GRAMD1A: variants seen among roughly 807,000 people sequenced by gnomAD.
GRAMD1A encodes protein Aster-A.
GRAMD1A carries 50 observed loss-of-function variants against 92.0 expected under a neutral mutation model. The ratio of observed to expected loss-of-function variants is 0.54; its 90% confidence interval spans 0.43 to 0.69. The LOEUF is 0.69. Among genes scored for constraint, GRAMD1A ranks in the 30% least tolerant of loss-of-function variants. The pLI is 0.00. For missense variants in GRAMD1A, 819 were observed against 978.9 expected (o/e 0.84, Z 2.18); for synonymous variants, 405 against 403.6 (o/e 1.00, Z -0.04).
chr19:35,023,063 C>A, intron 17 of GRAMD1A, 152 bp downstream of exon 17: 1 of 833,502 alleles, frequency 1.2e-6, no homozygotes, highest in South Asian at 1.5e-5. Flanking sequence ...TGGGTTTGAA[C>A]ACTGACTTCC....
chr19:35,003,861 C>G (rs1286470905), intron 1 of GRAMD1A, among the ~76,000 whole-genome samples: 1 of 152,246 alleles, frequency 6.6e-6, no homozygotes, highest in African/African-American at 2.4e-5. Flanking sequence ...CTTCTCCCAG[C>G]CTTTGCCACA....
At chr19:35,020,836 C>G (rs1433209054) in intron 13 of GRAMD1A, among the ~76,000 whole-genome samples, 1 of 152,022 alleles carries the variant, frequency 6.6e-6, no homozygotes, top group Non-Finnish European at 1.5e-5. Flanking sequence ...ACTGCAAAGA[C>G]AGGTACAGGA....
chr19:35,016,822 T>C (rs898797976), intron 11 of GRAMD1A, among the ~76,000 whole-genome samples: 6 of 150,800 alleles, frequency 4.0e-5, no homozygotes, highest in African/African-American at 1.2e-4. Flanking sequence ...GGAGAATCAC[T>C]TGAACTCGGG....
At chr19:35,024,306 C>A (rs1006213271) in intron 19 of GRAMD1A, among the ~76,000 whole-genome samples, 2 of 152,210 alleles carry the variant, frequency 1.3e-5, no homozygotes, top group Non-Finnish European at 2.9e-5. Context: ...TGTGGGCTGG[C>A]TGTCCTGAGT....
intron 1 of GRAMD1A, among the ~76,000 whole-genome samples, chr19:35,003,193 A>G (rs956404728): frequency 6.6e-6 from 1 of 151,360 alleles, no homozygotes; most frequent in African/African-American, 2.4e-5. Context: ...TGAGAGAGAG[A>G]GAGAGGAAAG....
chr19:35,021,452 C>T lies in GRAMD1A; in HGVS notation c.1476-50C>T. On this transcript the variant is annotated intron_variant, in intron 13 of 19. Coordinates refer to ENST00000317991, the MANE Select transcript of GRAMD1A (RefSeq NM_020895.5). The surrounding 1 kb of genome is among the most constrained non-coding windows in gnomAD (Gnocchi z 5.3). ...AACTCAGCTTGTGGGACGGGGCAGC[C>T]AGGGCTGGAGTCAGACCCTTACCTC... The T allele has an allele frequency of 1.5e-6, 2 of 1,367,770 alleles. No homozygotes were observed. Among genetic ancestry groups the T allele is most frequent in the Non-Finnish European group, 2.1e-6 (2 of 955,936 alleles). The allele number at this position is 1,367,770 out of a possible 1,614,324, so 84.7% of individuals were successfully genotyped here.
chr19:35,017,509 CTT>C (rs757989974), intron 11 of GRAMD1A, among the ~76,000 whole-genome samples: 6 of 152,096 alleles, frequency 3.9e-5, no homozygotes, highest in Non-Finnish European at 7.3e-5. Context: ...GCTTGAATCT[CTT>C]TTGTAGCCTC....
At chr19:35,020,261 A>G (rs2015953488) in intron 13 of GRAMD1A, among the ~76,000 whole-genome samples, 1 of 152,142 alleles carries the variant, frequency 6.6e-6, no homozygotes, top group Non-Finnish European at 1.5e-5. Context: ...GCCAGGGTCC[A>G]GGTGCAGTGG....
rs555500749 is a variant in GRAMD1A at position 35,010,533 on chromosome 19, C to T, written c.525+154C>T. On this transcript the variant is annotated intron_variant, in intron 6 of 19. Coordinates refer to ENST00000317991, the MANE Select transcript of GRAMD1A (RefSeq NM_020895.5). Reference sequence around the variant, plus strand: ...CGGCCCAGGCGCCCATCACCCCTGACCTGATCCCCGCACCAGCCTCTCCTC... The same window carrying T: ...CGGCCCAGGCGCCCATCACCCCTGATCTGATCCCCGCACCAGCCTCTCCTC... The T allele has an allele frequency of 9.6e-6, 6 of 625,102 alleles. No individual in the cohort carries two copies. The East Asian group carries it at 1.4e-4, about 14-fold the overall frequency. 38.7% of individuals were successfully genotyped at this position (625,102 alleles called of 1,614,324 possible).
At position 35,013,346 on chromosome 19, in the gene GRAMD1A, C is replaced by A; in HGVS notation, c.697C>A (p.Pro233Thr). The change falls in exon 8 of 20, where the codon CCC becomes ACC. Residue 233 changes from proline to threonine, a missense_variant. Physicochemically the swap from Pro to Thr is conservative, Grantham distance 38. Transcript: ENST00000317991. The surrounding 1 kb of genome is among the most constrained non-coding windows in gnomAD (Gnocchi z 4.9). ...LTSEDEDYVS[P>T]LQLNGLGTPK... ...CAGTGAGGATGAGGACTATGTCTCC[C>A]CCTTGCAGCTGAACGGTCTGGGGTG... The A allele has an allele frequency of 6.4e-7, 1 of 1,554,822 alleles. No homozygotes were observed. Among genetic ancestry groups the A allele is most frequent in the Non-Finnish European group, 8.7e-7 (1 of 1,147,230 alleles).
chr19:35,009,811 G>A (rs2015087014), intron 3 of GRAMD1A, 77 bp from the exon 4 acceptor site: 3 of 866,322 alleles, frequency 3.5e-6, no homozygotes, highest in Admixed American at 1.7e-5. Context: ...AGAGACTGAG[G>A]GGGTTCCAGG....
rs757644754 is a variant in GRAMD1A at position 35,015,897 on chromosome 19, G to A, written c.1143G>A (p.Glu381=). The A allele has an allele frequency of 6.2e-7, 1 of 1,614,110 alleles. No individual in the cohort carries two copies. The change falls in exon 11 of 20, where the codon GAG becomes GAA. Residue 381 remains glutamate, a synonymous_variant. Coordinates refer to ENST00000317991, the MANE Select transcript of GRAMD1A (RefSeq NM_020895.5). The part of the protein sequence containing the change: ...LINSVFHVGA[E]RLQQMLFSDS... ...ACTCTGTCTTCCATGTGGGCGCTGA[G>A]CGGCTCCAGCAGATGCTCTTCTCGG...
intron 16 of GRAMD1A, 103 bp downstream of exon 16, chr19:35,022,141 G>T: frequency 2.6e-6 from 2 of 776,646 alleles, no homozygotes; most frequent in Non-Finnish European, 4.2e-6. Flanking sequence ...TGCTTAAGTG[G>T]GAGCGTGGGT....
Position 35,009,431 on chromosome 19 carries a change from G to T in GRAMD1A, c.228G>T (p.Gln76His). 6.2e-7 allele frequency: 1 copy of T among 1,614,050 alleles called. No individual in the cohort carries two copies. The highest frequency in any genetic ancestry group is 1.1e-5 in the South Asian group (1 of 91,086). Reference sequence around the variant, plus strand: ...TCTCCTTTTCTTTGCAGAAGATGCAGAGCTGGTACAGTGTAAGTGTCTGGG... The same window carrying T: ...TCTCCTTTTCTTTGCAGAAGATGCATAGCTGGTACAGTGTAAGTGTCTGGG... ...RNFIRNSKKM[Q>H]SWYSMLSPTY... The change falls in exon 3 of 20, where the codon CAG becomes CAT. Residue 76 changes from glutamine (Q) to histidine (H), a missense_variant. Gln to His is a conservative substitution (Grantham distance 24). Transcript: ENST00000317991.
chr19:35,021,572 T>G lies in GRAMD1A; in HGVS notation c.1546T>G (p.Trp516Gly), dbSNP rs940309926. 7 of 1,613,946 alleles carry G rather than the reference T, an allele frequency of 4.3e-6. No individual in the cohort carries two copies. In the Admixed American group the frequency reaches 1.2e-4, roughly 27 times the overall value. Residue 516 changes from tryptophan (W) to glycine (G), a missense_variant, in exon 14 of 20, where the codon TGG becomes GGG. By Grantham distance (184) the Trp-to-Gly change is radical (BLOSUM62 -2). This residue lies in a region of GRAMD1A where 577 missense variants were observed against 674.6 expected (regional missense o/e 0.86). Transcript: ENST00000317991. The surrounding 1 kb of genome is among the most constrained non-coding windows in gnomAD (Gnocchi z 5.3). ...LVKSLIEKNS[W>G]SGIEDYFHHL... ...GAAGTCGCTCATTGAGAAGAACTCGTGGAGCGGCATTGAAGACTATTTCCA... is the reference window on the plus strand; with the variant it reads ...GAAGTCGCTCATTGAGAAGAACTCGGGGAGCGGCATTGAAGACTATTTCCA...
In GRAMD1A at chr19:35,000,401, C is replaced by T; in HGVS notation, c.-78C>T. The T allele has an allele frequency of 2.6e-6, 3 of 1,153,658 alleles. No individual in the cohort carries two copies. The highest frequency in any genetic ancestry group is 5.1e-5 in the Admixed American group (1 of 19,592). 71.5% of individuals were successfully genotyped at this position (1,153,658 alleles called of 1,614,324 possible). A position where few individuals can be genotyped will look rare whatever the true frequency, so the allele number is the denominator to read the frequency against. ...CGGTGCCCTGCGGGGACGCCCAGCG[C>T]AGCCCAGCCCCGCGCAGCCCAGCCC... On this transcript the variant is annotated 5_prime_UTR_variant, in exon 1 of 20. Coordinates refer to ENST00000317991, the MANE Select transcript of GRAMD1A (RefSeq NM_020895.5). The surrounding 1 kb of genome is among the most constrained non-coding windows in gnomAD (Gnocchi z 4.9).
chr19:35,023,794 G>A (rs966139745), intron 19 of GRAMD1A: 10 of 423,770 alleles, frequency 2.4e-5, no homozygotes, highest in Admixed American at 4.0e-5. Flanking sequence ...AGGCACGGCC[G>A]GGTTTGGTCA....
chr19:35,002,270 C>A (rs976980457), intron 1 of GRAMD1A, among the ~76,000 whole-genome samples: 24 of 152,088 alleles, frequency 1.6e-4, no homozygotes, highest in African/African-American at 5.8e-4. Flanking sequence ...CACTACCTGG[C>A]CACTGTGTCC....
chr19:34,999,905 C>G (rs1011999639), upstream of GRAMD1A: 50 of 669,866 alleles, frequency 7.5e-5, no homozygotes, highest in Non-Finnish European at 8.5e-5. Flanking sequence ...TTCCCGCCAG[C>G]TTCAGGCCCC....
Sources: gnomAD v4.1 joint callset for allele counts (sites outside exome capture counted in the v4.1 genomes callset) on GRCh38, gnomAD v4.1.1 for gene constraint, gnomAD v4.1.1 regional missense constraint, Gnocchi (gnomAD v3.1) non-coding constraint, MANE v1.5 for transcripts, NCBI Gene and HGNC (gene_info 2026-07-23, HGNC 2026-07-21) for gene names.